Variants in NLGN4Y observed in about 807,000 individuals in gnomAD.
NLGN4Y encodes the protein neuroligin-4, Y-linked.
A neutral mutation model predicts 8.4 loss-of-function variants in NLGN4Y; 4 were observed. That is an observed-to-expected ratio of 0.48 (90% CI 0.23 to 1.09). The LOEUF is 1.09. Among genes scored for constraint, NLGN4Y ranks in the 50% least tolerant of loss-of-function variants. The probability of loss-of-function intolerance (pLI) is 0.19; values close to 1 mark genes in which losing one functional copy is unlikely to be tolerated. For missense variants in NLGN4Y, 90 were observed against 192.3 expected (o/e 0.47, Z 3.15); for synonymous variants, 35 against 75.6 (o/e 0.46, Z 2.78).
chrY:14,589,968 G>A, intron 1 of NLGN4Y, among the ~76,000 whole-genome samples: 1 of 34,666 alleles, frequency 2.9e-5, no homozygotes, highest in Non-Finnish European at 7.3e-5. Flanking sequence ...ATTGAGTGCA[G>A]CGCCAGTGGG....
chrY:14,590,716 A>G, intron 1 of NLGN4Y, among the ~76,000 whole-genome samples: 1 of 33,344 alleles, frequency 3.0e-5, no homozygotes, highest in Non-Finnish European at 7.4e-5. Flanking sequence ...GGTTGGTATA[A>G]GAATTTGAAA....
chrY:14,831,281 C>T, intron 6 of NLGN4Y, among the ~76,000 whole-genome samples: 1 of 31,627 alleles, frequency 3.2e-5, no homozygotes, highest in African/African-American at 1.2e-4. Context: ...CCTCCCTCCT[C>T]ACCCTTCTGA....
At chrY:14,702,290 C>T in intron 2 of NLGN4Y, among the ~76,000 whole-genome samples, 7 of 32,064 alleles carry the variant, frequency 2.2e-4, no homozygotes, top group Non-Finnish European at 3.8e-4. Flanking sequence ...TTAGGTATAT[C>T]TCCTAATGCT....
chrY:14,812,542 C>T, intron 4 of NLGN4Y, among the ~76,000 whole-genome samples: 1 of 32,744 alleles, frequency 3.1e-5, no homozygotes, highest in South Asian at 6.9e-4. Flanking sequence ...AAGGACCTGT[C>T]GATGAAGGAG....
chrY:14,526,748 A>G (rs895724667), intron 1 of NLGN4Y, among the ~76,000 whole-genome samples: 3 of 32,915 alleles, frequency 9.1e-5, no homozygotes, highest in Non-Finnish European at 1.5e-4. Context: ...AGTAGGCCCT[A>G]AAACCAGTAA....
At chrY:14,634,985 C>G in intron 2 of NLGN4Y, among the ~76,000 whole-genome samples, 1 of 33,674 alleles carries the variant, frequency 3.0e-5, no homozygotes, top group Non-Finnish European at 7.3e-5. Context: ...CAAAGGAGCT[C>G]TTCTGGTGGG....
intron 4 of NLGN4Y, among the ~76,000 whole-genome samples, chrY:14,733,167 T>C (rs2080978290): frequency 2.9e-5 from 1 of 33,931 alleles, no homozygotes; most frequent in Non-Finnish European, 7.3e-5. Flanking sequence ...TGCCTCACCA[T>C]TCATCAAATG....
intron 4 of NLGN4Y, among the ~76,000 whole-genome samples, chrY:14,772,493 G>T: frequency 3.0e-5 from 1 of 33,335 alleles, no homozygotes; most frequent in Non-Finnish European, 7.4e-5. Flanking sequence ...ACAAAGGGTA[G>T]CTGGTACCAC....
chrY:14,675,598 C>T, intron 2 of NLGN4Y, among the ~76,000 whole-genome samples: 1 of 32,280 alleles, frequency 3.1e-5, no homozygotes, highest in African/African-American at 1.2e-4. Context: ...TGTCTTAGTC[C>T]CTTCTGTGCT....
chrY:14,629,263 G>A, intron 2 of NLGN4Y, among the ~76,000 whole-genome samples: 2 of 33,982 alleles, frequency 5.9e-5, no homozygotes, highest in Non-Finnish European at 1.5e-4. Context: ...CTTGTAGACA[G>A]CACTGGATGT....
chrY:14,802,818 T>TAA (rs2043041324), intron 4 of NLGN4Y, among the ~76,000 whole-genome samples: 1 of 22,780 alleles, frequency 4.4e-5, no homozygotes, highest in South Asian at 8.2e-4. Context: ...ATATTATATA[T>TAA]AATATATAAA....
chrY:14,589,926 C>T, intron 1 of NLGN4Y, among the ~76,000 whole-genome samples: 1 of 34,682 alleles, frequency 2.9e-5, no homozygotes, highest in African/African-American at 1.1e-4. Context: ...TGAGCCCTGC[C>T]GCATGGGAAG....
chrY:14,702,606 A>G (rs1603502888), intron 2 of NLGN4Y, among the ~76,000 whole-genome samples: 3 of 33,164 alleles, frequency 9.0e-5, no homozygotes, highest in Non-Finnish European at 2.2e-4. Context: ...ATTGTGAATA[A>G]TGCCGCAATA....
chrY:14,684,233 A>G (rs940750130), intron 2 of NLGN4Y, among the ~76,000 whole-genome samples: 1 of 33,750 alleles, frequency 3.0e-5, no homozygotes, highest in Non-Finnish European at 7.4e-5. Flanking sequence ...TTGAGTGACC[A>G]GTACTTTCCT....
chrY:14,588,035 G>A (rs2080347231), intron 1 of NLGN4Y, among the ~76,000 whole-genome samples: 1 of 33,370 alleles, frequency 3.0e-5, no homozygotes, highest in Non-Finnish European at 7.3e-5. Context: ...TACTACTTGA[G>A]GATGGGAATT....
chrY:14,697,206 C>CAGATAGATAGAT, intron 2 of NLGN4Y, among the ~76,000 whole-genome samples: 138 of 24,267 alleles, frequency 5.7e-3, no homozygotes, highest in East Asian at 0.024. Context: ...GGTAGGTAGG[C>CAGATAGATAGAT]AGATAGATAG....
chrY:14,590,906 A>G (rs2080368777), intron 1 of NLGN4Y, among the ~76,000 whole-genome samples: 1 of 33,332 alleles, frequency 3.0e-5, no homozygotes, highest in African/African-American at 1.2e-4. Context: ...CAAAGAGTCT[A>G]TTTGGGATTG....
intron 2 of NLGN4Y, among the ~76,000 whole-genome samples, chrY:14,628,540 T>C: frequency 3.0e-5 from 1 of 33,686 alleles, no homozygotes; most frequent in Non-Finnish European, 7.4e-5. Context: ...ACAAGTTATG[T>C]TTTGAGGAAA....
intron 2 of NLGN4Y, among the ~76,000 whole-genome samples, chrY:14,687,546 G>T (rs2080795939): frequency 3.1e-5 from 1 of 32,527 alleles, no homozygotes; most frequent in Non-Finnish European, 7.6e-5. Context: ...GCATGTGCAG[G>T]GGAACTTTCC....
Sources: gnomAD v4.1 joint callset for allele counts (sites outside exome capture counted in the v4.1 genomes callset) on GRCh38, gnomAD v4.1.1 for gene constraint, MANE v1.5 for transcripts, NCBI Gene and HGNC (gene_info 2026-07-23, HGNC 2026-07-21) for gene names.